DYM: variants seen among roughly 807,000 people sequenced by gnomAD.
The protein encoded by DYM is dymeclin, also known as dyggve-Melchior-Clausen syndrome protein.
DYM carries 78 observed loss-of-function variants against 93.1 expected under a neutral mutation model. That is an observed-to-expected ratio of 0.84 (90% CI 0.70 to 1.01). The LOEUF (loss-of-function observed/expected upper bound fraction) is 1.01, where lower values mean the gene tolerates loss of function less well. Among genes scored for constraint, DYM ranks in the 50% least tolerant of loss-of-function variants. The probability of loss-of-function intolerance (pLI) is 0.00; values close to 1 mark genes in which losing one functional copy is unlikely to be tolerated. For synonymous variants in DYM, 321 were observed against 319.7 expected (o/e 1.00, Z -0.04); for missense variants, 789 against 845.0 (o/e 0.93, Z 0.82).
chr18:49,345,928 A>G (rs1322817547), intron 6 of DYM, among the ~76,000 whole-genome samples: 1 of 152,224 alleles, frequency 6.6e-6, no homozygotes, highest in East Asian at 1.9e-4. Flanking sequence ...TAAGGGCATG[A>G]TTAAATATAT....
Position 49,300,774 on chromosome 18 carries a change from T to A in DYM, c.764-14158A>T, listed in dbSNP as rs1230918548. Among the ~76,000 whole-genome samples, 3 of 152,170 alleles carry A rather than the reference T, an allele frequency of 2.0e-5. No individual in the cohort carries two copies. In the East Asian group the frequency reaches 5.8e-4, roughly 29 times the overall value. On this transcript the variant is annotated intron_variant, in intron 8 of 17. Coordinates refer to ENST00000675505, the MANE Select transcript of DYM (RefSeq NM_001353214.3). ...TACCTGTGGTGAGTCATGTTTTCCA[T>A]ATAGGTCTCTGGCTGTTAGTTTTTC...
intron 15 of DYM, among the ~76,000 whole-genome samples, chr18:49,128,249 G>C (rs1406513217): frequency 6.6e-6 from 1 of 152,190 alleles, no homozygotes; most frequent in East Asian, 1.9e-4. Context: ...GTGCAGAATA[G>C]AGTTTCTCAC....
chr18:49,253,456 A>G (rs2094330175), intron 13 of DYM, among the ~76,000 whole-genome samples: 1 of 152,154 alleles, frequency 6.6e-6, no homozygotes, highest in Admixed American at 6.5e-5. Flanking sequence ...CAAGACAAAT[A>G]TTTTCTCAGG....
intron 17 of DYM, among the ~76,000 whole-genome samples, chr18:49,062,852 T>G (rs915771764): frequency 1.3e-5 from 2 of 152,222 alleles, no homozygotes; most frequent in African/African-American, 4.8e-5. Flanking sequence ...TCCTGTTTCC[T>G]TTCCACCTTT....
At chr18:49,343,684 G>A (rs945391502) in intron 6 of DYM, among the ~76,000 whole-genome samples, 3 of 152,076 alleles carry the variant, frequency 2.0e-5, no homozygotes, top group African/African-American at 7.2e-5. Context: ...ATGCTCACAG[G>A]CACAGTGAGA....
In DYM at chr18:49,099,390, T is replaced by A. The variant is rs141355827; in HGVS notation, c.1912-1875A>T. Among the ~76,000 whole-genome samples, 230 of 152,246 alleles carry A rather than the reference T, an allele frequency of 1.5e-3. 2 individuals are homozygous for A. Among genetic ancestry groups the A allele is most frequent in the African/African-American group, 4.9e-3 (204 of 41,556 alleles). ...AGGGACCTTCTATTATACATCAGGC[T>A]CTCCAGGTGATTTTGATGATCAGTC... On this transcript the variant is annotated intron_variant, in intron 16 of 17. Transcript: ENST00000675505.
At chr18:49,222,264 A>G (rs533157973) in intron 13 of DYM, among the ~76,000 whole-genome samples, 63 of 152,292 alleles carry the variant, frequency 4.1e-4, no homozygotes, top group African/African-American at 1.5e-3. Context: ...AATTTGAATT[A>G]GAACTAAGAG....
intron 16 of DYM, among the ~76,000 whole-genome samples, chr18:49,109,144 T>G (rs1376923879): frequency 1.3e-5 from 2 of 152,198 alleles, no homozygotes; most frequent in Admixed American, 6.5e-5. Context: ...AGTTAGGTCT[T>G]GCTTTTTATC....
intron 14 of DYM, among the ~76,000 whole-genome samples, chr18:49,169,347 A>AC (rs144932708): frequency 6.6e-6 from 1 of 152,336 alleles, no homozygotes; most frequent in East Asian, 1.9e-4. Flanking sequence ...TCAGGCAATC[A>AC]CAAAGGTGAG....
intron 13 of DYM, among the ~76,000 whole-genome samples, chr18:49,210,218 A>C (rs1263368367): frequency 6.6e-6 from 1 of 152,240 alleles, no homozygotes; most frequent in African/African-American, 2.4e-5. Context: ...AATTTATCCA[A>C]AAGAGTTGAA....
chr18:49,454,245 A>C (rs527999080), intron 1 of DYM, among the ~76,000 whole-genome samples: 1 of 152,286 alleles, frequency 6.6e-6, no homozygotes, highest in Non-Finnish European at 1.5e-5. Flanking sequence ...AGGAGTTAAC[A>C]AGGAATTACT....
At chr18:49,057,162 CT>C (rs201597642) in intron 17 of DYM, among the ~76,000 whole-genome samples, 1 of 151,756 alleles carries the variant, frequency 6.6e-6, no homozygotes, top group African/African-American at 2.4e-5. Context: ...GTGATCTGAA[CT>C]TTTTTTTTGG....
chr18:49,328,442 T>A (rs2063063343), intron 8 of DYM, among the ~76,000 whole-genome samples: 1 of 151,902 alleles, frequency 6.6e-6, no homozygotes, highest in Non-Finnish European at 1.5e-5. Context: ...AGTGAAGGCA[T>A]GAAAAAAGAG....
At chr18:49,419,647 T>C (rs1394757406) in intron 2 of DYM, among the ~76,000 whole-genome samples, 1 of 152,204 alleles carries the variant, frequency 6.6e-6, no homozygotes, top group Non-Finnish European at 1.5e-5. Context: ...AATAAACTTA[T>C]CAAGATCCCC....
At chr18:49,341,222 G>A (rs900708649) in intron 6 of DYM, among the ~76,000 whole-genome samples, 1 of 152,162 alleles carries the variant, frequency 6.6e-6, no homozygotes, top group African/African-American at 2.4e-5. Flanking sequence ...TGGATGTGGT[G>A]GCTCATGCCT....
chr18:49,220,617 T>C (rs1459852317), intron 13 of DYM, among the ~76,000 whole-genome samples: 3 of 152,098 alleles, frequency 2.0e-5, no homozygotes, highest in African/African-American at 7.2e-5. Context: ...TACAACTATC[T>C]GATCGTTGAC....
intron 8 of DYM, chr18:49,329,490 TCA>T (rs1213756763): frequency 2.0e-5 from 3 of 152,322 alleles, no homozygotes; most frequent in East Asian, 3.9e-4. Context: ...ACAGACTCTT[TCA>T]CAGAGTCTCA....
intron 2 of DYM, chr18:49,393,767 T>C (rs1568370036): frequency 6.6e-6 from 1 of 151,422 alleles, no homozygotes; most frequent in Non-Finnish European, 1.5e-5. Context: ...AGAAACTTCA[T>C]CTCAAAAGAA....
chr18:49,191,046 T>C (rs1296565214), intron 14 of DYM, among the ~76,000 whole-genome samples: 1 of 146,586 alleles, frequency 6.8e-6, no homozygotes, highest in African/African-American at 2.5e-5. Flanking sequence ...GCAAAGTTAT[T>C]TGTCAAAGTT....
Sources: allele counts gnomAD v4.1 joint callset (sites outside exome capture counted in the v4.1 genomes callset), GRCh38; gene constraint gnomAD v4.1.1; transcripts MANE v1.5; gene names NCBI Gene and HGNC (gene_info 2026-07-23, HGNC 2026-07-21).